NMNAT3: variants seen among roughly 807,000 people sequenced by gnomAD.
NMNAT3 encodes nicotinamide nucleotide adenylyltransferase 3.
Under a neutral mutation model 24.8 loss-of-function variants are expected in NMNAT3, and 21 were observed. The ratio of observed to expected loss-of-function variants is 0.85; its 90% CI spans 0.60 to 1.22. The LOEUF is 1.22. Among genes scored for constraint, NMNAT3 ranks in the 50% most tolerant of loss-of-function variants. The probability of loss-of-function intolerance (pLI) is 0.00; values close to 1 mark genes in which losing one functional copy is unlikely to be tolerated. For synonymous variants in NMNAT3, 136 were observed against 155.2 expected (o/e 0.88, Z 0.92); for missense variants, 387 against 436.6 (o/e 0.89, Z 1.01).
At chr3:139,583,847 ACG>A (rs1479998969) in intron 3 of NMNAT3, among the ~76,000 whole-genome samples, 1 of 152,280 alleles carries the variant, frequency 6.6e-6, no homozygotes, top group African/African-American at 2.4e-5. Flanking sequence ...AGCCCGAGCC[ACG>A]CGACGGGCTG....
In NMNAT3 at chr3:139,602,040, T is replaced by C. The variant is rs562900293; in HGVS notation, c.110-18832A>G. ...TTTCTTGATACATTTTCAATTTACCTTCATGGTAATTTACACTCAAGGAAG... is the reference window on the plus strand; with the variant it reads ...TTTCTTGATACATTTTCAATTTACCCTCATGGTAATTTACACTCAAGGAAG... On this transcript the variant is annotated intron_variant, in intron 3 of 6. Coordinates refer to ENST00000643695, the MANE Select transcript of NMNAT3 (RefSeq NM_001320510.2). Among the ~76,000 whole-genome samples, 23 of 152,336 alleles carry C rather than the reference T, an allele frequency of 1.5e-4. No homozygotes were observed. In the South Asian group the frequency reaches 4.8e-3, roughly 32 times the overall value.
At chr3:139,567,881 T>C (rs951754701) in intron 6 of NMNAT3, 6 of 152,340 alleles carry the variant, frequency 3.9e-5, no homozygotes, top group African/African-American at 1.4e-4. Context: ...GGATTCCCTC[T>C]TTTTCTATTG....
At chr3:139,647,245 G>A (rs2056901370) in intron 1 of NMNAT3, among the ~76,000 whole-genome samples, 1 of 152,184 alleles carries the variant, frequency 6.6e-6, no homozygotes. Flanking sequence ...GAGATTTTCT[G>A]TCTGACCTTG....
At chr3:139,590,142 T>A (rs776575967) in intron 3 of NMNAT3, among the ~76,000 whole-genome samples, 1 of 152,198 alleles carries the variant, frequency 6.6e-6, no homozygotes, top group African/African-American at 2.4e-5. Flanking sequence ...TGAATTTGTC[T>A]GTACTAAGAA....
At chr3:139,572,668 A>G (rs1361523215) in intron 6 of NMNAT3, among the ~76,000 whole-genome samples, 2 of 152,154 alleles carry the variant, frequency 1.3e-5, no homozygotes. Flanking sequence ...GTGTTTCCCA[A>G]TCTTGCTCTA....
At chr3:139,656,808 C>G (rs1027017685) in intron 1 of NMNAT3, among the ~76,000 whole-genome samples, 1 of 151,950 alleles carries the variant, frequency 6.6e-6, no homozygotes, top group African/African-American at 2.4e-5. Flanking sequence ...CAAACAAAGA[C>G]CAAAATGCTA....
chr3:139,591,151 A>G (rs1036847830), intron 3 of NMNAT3, among the ~76,000 whole-genome samples: 1 of 151,286 alleles, frequency 6.6e-6, no homozygotes, highest in Non-Finnish European at 1.5e-5. Flanking sequence ...GCATTGCCTC[A>G]CCTGGGAAGC....
At chr3:139,596,942 A>T (rs201064080) in intron 3 of NMNAT3, among the ~76,000 whole-genome samples, 5 of 127,578 alleles carry the variant, frequency 3.9e-5, no homozygotes, top group African/African-American at 1.6e-4. Flanking sequence ...ATATATATAT[A>T]TATATATATA....
At chr3:139,650,909 CT>C (rs1205766899) in intron 1 of NMNAT3, among the ~76,000 whole-genome samples, 1 of 152,122 alleles carries the variant, frequency 6.6e-6, no homozygotes, top group Non-Finnish European at 1.5e-5. Context: ...CATAACTTCT[CT>C]TACAAAAAGG....
chr3:139,573,605 GGT>G lies in NMNAT3; in HGVS notation c.649_650del (p.Thr217ProfsTer6), dbSNP rs1418075283. The G allele has an allele frequency of 6.3e-7, 1 of 1,590,290 alleles. No homozygotes were observed. The highest frequency in any genetic ancestry group is 8.6e-7 in the Non-Finnish European group (1 of 1,168,224). The stretch of plus-strand genomic sequence containing the variant: ...AAGAGGATCAGCACCCACCTGCAGG[GGT>G]CGAGAAGAGTGCCTTGCCATGGTCT... On this transcript the variant is annotated frameshift_variant, in exon 6 of 7. Coordinates refer to ENST00000643695, the MANE Select transcript of NMNAT3 (RefSeq NM_001320510.2). LOFTEE classifies it low-confidence loss of function (END_TRUNC).
chr3:139,653,812 A>G (rs2057140164), intron 1 of NMNAT3, among the ~76,000 whole-genome samples: 1 of 152,206 alleles, frequency 6.6e-6, no homozygotes, highest in South Asian at 2.1e-4. Flanking sequence ...CTTGAGTCAC[A>G]GTCAGCAACA....
intron 3 of NMNAT3, among the ~76,000 whole-genome samples, chr3:139,621,862 C>G (rs1438154120): frequency 6.6e-6 from 1 of 152,192 alleles, no homozygotes; most frequent in Non-Finnish European, 1.5e-5. Flanking sequence ...GCTTATTTCA[C>G]TTAAGATAAT....
chr3:139,596,172 T>C (rs2054446837), intron 3 of NMNAT3, among the ~76,000 whole-genome samples: 1 of 152,162 alleles, frequency 6.6e-6, no homozygotes, highest in Non-Finnish European at 1.5e-5. Flanking sequence ...ATCTGTCCCT[T>C]ATGGGCTGCT....
intron 6 of NMNAT3, chr3:139,569,099 G>A (rs905880847): frequency 5.3e-5 from 8 of 152,084 alleles, no homozygotes; most frequent in African/African-American, 1.4e-4. Flanking sequence ...TGATGTAATG[G>A]CCTTCTTTGT....
intron 3 of NMNAT3, chr3:139,599,071 C>T (rs1043563486): frequency 4.2e-6 from 2 of 476,208 alleles, no homozygotes; most frequent in East Asian, 3.4e-5. Context: ...GCTTAAAATG[C>T]TAGCAGCCTC....
At chr3:139,645,448 G>A (rs1412195391) in intron 1 of NMNAT3, among the ~76,000 whole-genome samples, 1 of 152,164 alleles carries the variant, frequency 6.6e-6, no homozygotes, top group Non-Finnish European at 1.5e-5. Flanking sequence ...TTTAGGGTTA[G>A]GGCAGCAGCT....
chr3:139,615,844 T>A (rs1433117509), intron 3 of NMNAT3, among the ~76,000 whole-genome samples: 1 of 127,282 alleles, frequency 7.9e-6, no homozygotes, highest in Non-Finnish European at 1.7e-5. Context: ...CTTTCAAACA[T>A]GAAAATTCCT....
At chr3:139,603,342 A>G (rs1433459563) in intron 3 of NMNAT3, among the ~76,000 whole-genome samples, 3 of 152,202 alleles carry the variant, frequency 2.0e-5, no homozygotes, top group Non-Finnish European at 4.4e-5. Context: ...TATCACGGGA[A>G]TTGGTTACTT....
Position 139,672,346 on chromosome 3 carries a change from T to A in NMNAT3, c.-141+5359A>T, listed in dbSNP as rs552697210. Among the ~76,000 whole-genome samples, 8 of 152,284 alleles carry A rather than the reference T, an allele frequency of 5.3e-5. No homozygotes were observed. In the South Asian group the frequency reaches 1.7e-3, roughly 32 times the overall value. On this transcript the variant is annotated intron_variant, in intron 1 of 6. Transcript: ENST00000643695. Reference sequence around the variant, plus strand: ...GAAGATTGGCTCTAATTTAAAACCATCTTAGGAGCTCTAAAAAGTTCCAGG... The same window carrying A: ...GAAGATTGGCTCTAATTTAAAACCAACTTAGGAGCTCTAAAAAGTTCCAGG...
Sources: allele counts gnomAD v4.1 joint callset (sites outside exome capture counted in the v4.1 genomes callset), GRCh38; gene constraint gnomAD v4.1.1; transcripts MANE v1.5; gene names NCBI Gene and HGNC (gene_info 2026-07-23, HGNC 2026-07-21).